Variants in STK10 observed in about 807,000 individuals in gnomAD.
The protein encoded by STK10 is serine/threonine-protein kinase 10.
A neutral mutation model predicts 113.8 loss-of-function variants in STK10; 78 were observed. The observed-to-expected ratio is 0.69, with a 90% CI of 0.57 to 0.83. The LOEUF is 0.83. Among genes scored for constraint, STK10 ranks in the 40% least tolerant of loss-of-function variants. The pLI, the probability that STK10 is intolerant of heterozygous loss-of-function variation, is 0.00. For missense variants in STK10, 1,109 were observed against 1,280.1 expected (o/e 0.87, Z 2.04); for synonymous variants, 465 against 494.7 (o/e 0.94, Z 0.80).
In STK10 at chr5:172,117,689, T is replaced by C; in HGVS notation, c.371-59A>G. 2.5e-6 allele frequency: 4 copies of C among 1,600,534 alleles called. No homozygotes were observed. The South Asian group carries it at 4.4e-5, about 18-fold the overall frequency. ...AAGCCCTGGACACAGGAAACTGAAA[T>C]GTCAGGCCCACGCCAGGGAGAAATA... On this transcript the variant is annotated intron_variant, in intron 3 of 18. Coordinates refer to ENST00000176763, the MANE Select transcript of STK10 (RefSeq NM_005990.4).
chr5:172,111,425 T>G (rs1203392643), intron 4 of STK10, among the ~76,000 whole-genome samples: 4 of 152,180 alleles, frequency 2.6e-5, no homozygotes, highest in African/African-American at 9.7e-5. Flanking sequence ...AGGGCCTCCC[T>G]CAGGCACGCA....
At chr5:172,135,076 T>G (rs1366429749) in intron 2 of STK10, among the ~76,000 whole-genome samples, 3 of 151,920 alleles carry the variant, frequency 2.0e-5, no homozygotes, top group African/African-American at 7.3e-5. Context: ...GGCAAAAGAT[T>G]TGAATAGATG....
chr5:172,059,434 C>CAAAAAA (rs58446505), intron 14 of STK10, among the ~76,000 whole-genome samples: 6 of 57,002 alleles, frequency 1.1e-4, no homozygotes, highest in East Asian at 8.3e-4. Context: ...CTCTCCATCT[C>CAAAAAA]AAAAAAAAAA....
At chr5:172,138,527 G>A (rs569893942) in intron 2 of STK10, among the ~76,000 whole-genome samples, 2 of 115,646 alleles carry the variant, frequency 1.7e-5, no homozygotes, top group South Asian at 5.4e-4. Flanking sequence ...GCAGGTATAA[G>A]ATAAGCACAC....
At chr5:172,175,739 A>C (rs1770746933) in intron 1 of STK10, among the ~76,000 whole-genome samples, 1 of 152,104 alleles carries the variant, frequency 6.6e-6, no homozygotes, top group South Asian at 2.1e-4. Context: ...ACTGCCCAAC[A>C]AGCCCGTTTG....
At chr5:172,165,490 T>C (rs1770553028) in intron 1 of STK10, among the ~76,000 whole-genome samples, 1 of 152,126 alleles carries the variant, frequency 6.6e-6, no homozygotes, top group Non-Finnish European at 1.5e-5. Context: ...TGCTGGGAAA[T>C]TGACCCTGGG....
At chr5:172,105,563 G>T in intron 7 of STK10, 93 bp downstream of exon 7, 1 of 1,331,104 alleles carries the variant, frequency 7.5e-7, no homozygotes, top group African/African-American at 1.4e-5. Context: ...GCTGTTCCCT[G>T]GGCGGGGTGA....
In STK10 at chr5:172,082,652, G is replaced by A; in HGVS notation, c.1810-147C>T. On this transcript the variant is annotated intron_variant, in intron 11 of 18. Coordinates refer to ENST00000176763, the MANE Select transcript of STK10 (RefSeq NM_005990.4). This position sits in a 1 kb window ranked among gnomAD's most constrained non-coding sequence, Gnocchi z 4.3. ...ACTACCCCGTTGCTGTGTGACCTGG[G>A]GCAAGTTACTTAGCCTGAGTCTCCA... The A allele has an allele frequency of 9.0e-7, 1 of 1,106,764 alleles. No homozygotes were observed. 68.6% of individuals were successfully genotyped at this position (1,106,764 alleles called of 1,614,324 possible).
Position 172,067,470 on chromosome 5 carries a change from G to T in STK10, c.1990-2658C>A, listed in dbSNP as rs59138868. 1.1e-3 allele frequency among the ~76,000 whole-genome samples: 160 copies of T among 151,828 alleles called. 3 individuals carry two copies. The highest frequency in any genetic ancestry group is 8.3e-3 in the East Asian group (43 of 5,184). Reference sequence around the variant, plus strand: ...TCTACATACAAAGAATCAGGAAATAGAACCAATTTTCAAAGAAAAAGGCAA... The same window carrying T: ...TCTACATACAAAGAATCAGGAAATATAACCAATTTTCAAAGAAAAAGGCAA... On this transcript the variant is annotated intron_variant, in intron 12 of 18. Coordinates refer to ENST00000176763, the MANE Select transcript of STK10 (RefSeq NM_005990.4).
At chr5:172,064,521 C>A (rs895023796) in intron 13 of STK10, 199 bp downstream of exon 13, 21 of 611,606 alleles carry the variant, frequency 3.4e-5, no homozygotes, top group Non-Finnish European at 5.5e-5. Flanking sequence ...GAAGAGCTTA[C>A]TTCCAGATGG....
chr5:172,082,231 C>G lies in STK10; in HGVS notation c.1989+95G>C. 3 of 1,387,532 alleles carry G rather than the reference C, an allele frequency of 2.2e-6. No homozygotes were observed. Among genetic ancestry groups the G allele is most frequent in the East Asian group, 2.6e-5 (1 of 37,964 alleles). 86.0% of individuals were successfully genotyped at this position (1,387,532 alleles called of 1,614,324 possible). ...TCCCGAGCTCTTCAGCCGTACCCCT[C>G]TGCTGCCAAGGTGAGGTTGAGGCCA... On this transcript the variant is annotated intron_variant, in intron 12 of 18. Transcript: ENST00000176763. This position sits in a 1 kb window ranked among gnomAD's most constrained non-coding sequence, Gnocchi z 4.3.
intron 3 of STK10, among the ~76,000 whole-genome samples, chr5:172,118,266 T>A (rs977719531): frequency 9.9e-5 from 15 of 152,138 alleles, no homozygotes; most frequent in African/African-American, 3.6e-4. Flanking sequence ...TTCAGGTTTG[T>A]AAACATAAGC....
rs766162403 is a variant in STK10 at position 172,127,395 on chromosome 5, T to A, written c.348A>T (p.Gly116=). The part of the protein sequence containing the change: ...LWIMIEFCPG[G]AVDAIMLELD... ...CACCCAGCATGATGGCGTCCACGGC[T>A]CCCCCTGGACAGAACTCAATCATGA... is the stretch of plus-strand genomic sequence containing the variant. The change falls in exon 3 of 19, where the codon GGA becomes GGT. Residue 116 remains glycine, a synonymous_variant. Coordinates refer to ENST00000176763, the MANE Select transcript of STK10 (RefSeq NM_005990.4). The A allele has an allele frequency of 1.2e-5, 19 of 1,612,982 alleles. No individual in the cohort carries two copies. The highest frequency in any genetic ancestry group is 1.0e-4 in the Admixed American group (6 of 59,948).
chr5:172,107,552 C>T (rs1201732880), intron 5 of STK10, among the ~76,000 whole-genome samples: 5 of 152,328 alleles, frequency 3.3e-5, no homozygotes, highest in Admixed American at 6.5e-5. Flanking sequence ...TCATTTCATT[C>T]TCACAGTAGC....
rs1371456837 is a variant in STK10 at position 172,044,206 on chromosome 5, A to G, written c.*676T>C. The G allele has an allele frequency of 1.3e-5, 2 of 154,658 alleles. No individual in the cohort carries two copies. The highest frequency in any genetic ancestry group is 4.8e-5 in the African/African-American group (2 of 41,476). The allele number at this position is 154,658 out of a possible 1,614,324, so 9.6% of individuals were successfully genotyped here. A position where few individuals can be genotyped will look rare whatever the true frequency, so the allele number is the denominator to read the frequency against. ...TGTACGCGTATGTGTGTGCATTCAC[A>G]CCCATGTGCAGGAAGGGGGACGCGA... is the stretch of plus-strand genomic sequence containing the variant. On this transcript the variant is annotated 3_prime_UTR_variant, in exon 19 of 19. Coordinates refer to ENST00000176763, the MANE Select transcript of STK10 (RefSeq NM_005990.4). The surrounding 1 kb of genome is among the most constrained non-coding windows in gnomAD (Gnocchi z 4.5).
intron 1 of STK10, among the ~76,000 whole-genome samples, chr5:172,173,544 C>A (rs1230236506): frequency 3.3e-5 from 5 of 152,318 alleles, no homozygotes; most frequent in Non-Finnish European, 7.4e-5. Context: ...CACCCTGGGG[C>A]AGGCACGGAG....
chr5:172,100,534 C>G (rs1250937005), intron 7 of STK10, among the ~76,000 whole-genome samples: 7 of 152,180 alleles, frequency 4.6e-5, no homozygotes, highest in Non-Finnish European at 7.3e-5. Flanking sequence ...CACCTGTAAT[C>G]CCAGCACTTT....
intron 3 of STK10, among the ~76,000 whole-genome samples, chr5:172,125,530 G>A (rs368693181): frequency 7.2e-5 from 11 of 152,210 alleles, no homozygotes; most frequent in Admixed American, 5.9e-4. Context: ...GATTACAGGC[G>A]CCTGCCATCA....
chr5:172,052,918 G>T lies in STK10; in HGVS notation c.2766+11C>A. The T allele has an allele frequency of 6.2e-7, 1 of 1,613,508 alleles. No homozygotes were observed. The highest frequency in any genetic ancestry group is 8.5e-7 in the Non-Finnish European group (1 of 1,179,920). On this transcript the variant is annotated intron_variant, in intron 18 of 18. Transcript: ENST00000176763. ...GCCCGAGACTGAGCCCACCAGCTCG[G>T]ATAAAGTTACCTTCTTGCGCGGCCG...
Sources: allele counts gnomAD v4.1 joint callset (sites outside exome capture counted in the v4.1 genomes callset), GRCh38; gene constraint gnomAD v4.1.1; non-coding constraint Gnocchi (gnomAD v3.1); transcripts MANE v1.5; gene names NCBI Gene and HGNC (gene_info 2026-07-23, HGNC 2026-07-21).